The following SYTL2 variants were observed in gnomAD, a reference collection of about 807,000 sequenced individuals.
SYTL2 encodes the protein synaptotagmin-like protein 2.
A neutral mutation model predicts 198.7 loss-of-function variants in SYTL2; 165 were observed. The observed-to-expected ratio is 0.83, with a 90% CI of 0.73 to 0.94. The LOEUF is 0.94. SYTL2 is among the 40% of genes least tolerant of loss of function. The pLI is 0.00. For missense variants in SYTL2, 2,835 were observed against 2,582.8 expected (o/e 1.10, Z -2.12); for synonymous variants, 966 against 917.7 (o/e 1.05, Z -0.95).
the SYTL2 span, among the ~76,000 whole-genome samples, chr11:85,846,404 C>CTTTATTTAT: frequency 5.3e-5 from 8 of 151,992 alleles, no homozygotes; most frequent in Admixed American, 1.3e-4. Flanking sequence ...AATATGAAAC[C>CTTTATTTAT]TTTATTTATT....
At chr11:85,745,602 A>G (rs1591859759) in intron 4 of SYTL2, 35 bp downstream of exon 4, 1 of 1,595,886 alleles carries the variant, frequency 6.3e-7, no homozygotes, top group African/African-American at 1.3e-5. Context: ...CATGAAAGCC[A>G]CATGCAGCAG....
Position 85,725,057 on chromosome 11 carries a change from T to C in SYTL2, c.4301A>G (p.Tyr1434Cys), listed in dbSNP as rs376957480. 6.2e-7 allele frequency: 1 copy of C among 1,614,038 alleles called. No individual in the cohort carries two copies. Among genetic ancestry groups the C allele is most frequent in the Non-Finnish European group, 8.5e-7 (1 of 1,180,012 alleles). The change falls in exon 8 of 20, where the codon TAT (tyrosine) becomes TGT (cysteine). Residue 1434 changes from tyrosine (Y) to cysteine (C), a missense_variant. Transcript: ENST00000359152. Reference sequence around the variant, plus strand: ...TTTATCAGGAACTACATTGGAGGAATAAAAATCCTTCCTGTCTGGAACTAT... The same window carrying C: ...TTTATCAGGAACTACATTGGAGGAACAAAAATCCTTCCTGTCTGGAACTAT... ...DTIVPDRKDF[Y>C]SSNVVPDKTH... is the part of the protein sequence containing the mutation.
chr11:85,718,722 C>T (rs553951308), intron 10 of SYTL2, 68 bp downstream of exon 10: 25 of 1,481,310 alleles, frequency 1.7e-5, no homozygotes, highest in Non-Finnish European at 2.2e-5. Flanking sequence ...AGCTGCGTCC[C>T]GGAGACTGCC....
chr11:85,705,340 G>A (rs1391369337), intron 15 of SYTL2: 4 of 201,208 alleles, frequency 2.0e-5, no homozygotes, highest in Non-Finnish European at 4.0e-5. Flanking sequence ...TAGACTAGAT[G>A]TAATACAAAA....
chr11:85,778,700 C>T (rs1424013510), intron 1 of SYTL2, among the ~76,000 whole-genome samples: 3 of 152,146 alleles, frequency 2.0e-5, no homozygotes, highest in Non-Finnish European at 2.9e-5. Flanking sequence ...TAAGGCTGGG[C>T]GTGCAGTGGC....
intron 1 of SYTL2, among the ~76,000 whole-genome samples, chr11:85,807,542 A>T (rs1445497): frequency 1.3e-5 from 2 of 152,056 alleles, no homozygotes; most frequent in Non-Finnish European, 2.9e-5. Context: ...ACCAGCTCAG[A>T]GAAGCCATCT....
At chr11:85,803,784 C>T (rs1368988174) in intron 1 of SYTL2, among the ~76,000 whole-genome samples, 1 of 152,202 alleles carries the variant, frequency 6.6e-6, no homozygotes, top group Non-Finnish European at 1.5e-5. Context: ...CCTCTGTGAC[C>T]TTGGGCAAAG....
At chr11:85,742,591 T>C (rs2090880939) in intron 4 of SYTL2, among the ~76,000 whole-genome samples, 1 of 152,264 alleles carries the variant, frequency 6.6e-6, no homozygotes, top group African/African-American at 2.4e-5. Flanking sequence ...ACGGAGGCTA[T>C]GTGCTGAAGA....
In SYTL2 at chr11:85,780,204, C is replaced by G. The variant is rs188555692; in HGVS notation, c.-389-22090G>C. 1.8e-4 allele frequency among the ~76,000 whole-genome samples: 28 copies of G among 152,330 alleles called. 1 individual carries two copies. The highest frequency in any genetic ancestry group is 6.5e-4 in the Admixed American group (10 of 15,294). ...GTCAAGCAAGCAACAGTCATTCTTT[C>G]AATAGTGCTTATGCTCATCTAAAGA... On this transcript the variant is annotated intron_variant, in intron 1 of 19. Coordinates refer to ENST00000359152, the MANE Select transcript of SYTL2 (RefSeq NM_206927.4).
In SYTL2 at chr11:85,696,305, G is replaced by A. The variant is rs1369370922; in HGVS notation, c.6452C>T (p.Thr2151Ile). The stretch of plus-strand genomic sequence containing the variant: ...AGGCCTGAACCCATCATACACCATA[G>A]TGTGGTTGAAGATAGGGTTGGTGGT... ...GKTTNPIFNH[T>I]MVYDGFRPED... Residue 2151 changes from threonine (T) to isoleucine (I), a missense_variant, in exon 19 of 20, where the codon ACT becomes ATT. Physicochemically the swap from Thr to Ile is moderately conservative, Grantham distance 89. This residue lies in a region of SYTL2 where 185 missense variants were observed against 182.1 expected (regional missense o/e 1.02). Coordinates refer to ENST00000359152, the MANE Select transcript of SYTL2 (RefSeq NM_206927.4). The A allele has an allele frequency of 1.2e-6, 2 of 1,614,052 alleles. No individual in the cohort carries two copies. The highest frequency in any genetic ancestry group is 2.2e-5 in the South Asian group (2 of 91,082).
chr11:85,705,189 G>T, intron 15 of SYTL2, 161 bp from the exon 16 acceptor site: 1 of 510,486 alleles, frequency 2.0e-6, no homozygotes, highest in Non-Finnish European at 3.4e-6. Context: ...TAAGCATCTT[G>T]TTTCAAAGAG....
Position 85,752,790 on chromosome 11 carries a change from T to C in SYTL2, c.102-4367A>G, listed in dbSNP as rs191300679. On this transcript the variant is annotated intron_variant, in intron 2 of 19. Coordinates refer to ENST00000359152, the MANE Select transcript of SYTL2 (RefSeq NM_206927.4). ...CAGCTACACTGTTTTGAAGATGAAA[T>C]AGGAAAATCTATGTGAAGATCCATG... Among the ~76,000 whole-genome samples, 7 of 151,612 alleles carry C rather than the reference T, an allele frequency of 4.6e-5. No individual in the cohort carries two copies. In the East Asian group the frequency reaches 1.2e-3, roughly 25 times the overall value.
At chr11:85,746,784 A>G (rs545919650) in intron 3 of SYTL2, among the ~76,000 whole-genome samples, 29 of 152,208 alleles carry the variant, frequency 1.9e-4, no homozygotes, top group Non-Finnish European at 3.4e-4. Flanking sequence ...GGCTACAAAC[A>G]ATGCACTGTA....
At chr11:85,841,135 A>C in the SYTL2 span, among the ~76,000 whole-genome samples, 1 of 152,220 alleles carries the variant, frequency 6.6e-6, no homozygotes, top group African/African-American at 2.4e-5. Context: ...ATCATCTCAC[A>C]TCAGTCAGAA....
At chr11:85,759,732 C>T (rs931920875) in intron 1 of SYTL2, among the ~76,000 whole-genome samples, 1 of 151,422 alleles carries the variant, frequency 6.6e-6, no homozygotes, top group African/African-American at 2.4e-5. Flanking sequence ...TGCATACTGT[C>T]CACAGTAATT....
At chr11:85,747,694 C>T (rs1212347318) in intron 3 of SYTL2, among the ~76,000 whole-genome samples, 1 of 152,122 alleles carries the variant, frequency 6.6e-6, no homozygotes, top group Non-Finnish European at 1.5e-5. Context: ...ACAGAGAGGG[C>T]TGGAGTAGGT....
intron 8 of SYTL2, among the ~76,000 whole-genome samples, chr11:85,721,417 G>A (rs891908991): frequency 1.3e-5 from 2 of 151,914 alleles, no homozygotes; most frequent in Non-Finnish European, 2.9e-5. Flanking sequence ...GCATTCTCCA[G>A]ATCAAAGGTT....
At chr11:85,829,205 A>G in the SYTL2 span, among the ~76,000 whole-genome samples, 2 of 152,180 alleles carry the variant, frequency 1.3e-5, no homozygotes, top group Non-Finnish European at 2.9e-5. Context: ...AGTACCAAAT[A>G]GGTGGTTTTT....
chr11:85,851,391 T>C, the SYTL2 span, among the ~76,000 whole-genome samples: 1 of 152,220 alleles, frequency 6.6e-6, no homozygotes, highest in African/African-American at 2.4e-5. Flanking sequence ...TTCGGGTCTT[T>C]ACAAATTATT....
Sources: allele counts gnomAD v4.1 joint callset (sites outside exome capture counted in the v4.1 genomes callset), GRCh38; gene constraint gnomAD v4.1.1; regional missense constraint gnomAD v4.1.1; transcripts MANE v1.5; gene names NCBI Gene and HGNC (gene_info 2026-07-23, HGNC 2026-07-21).